The following ZNF503 variants were observed in gnomAD, a reference collection of about 807,000 sequenced individuals.
ZNF503 encodes the protein zinc finger protein 503, also known as NocA-like zinc finger 2.
A neutral mutation model predicts 34.4 loss-of-function variants in ZNF503; 15 were observed. The ratio of observed to expected loss-of-function variants is 0.44; its 90% CI spans 0.29 to 0.67. The LOEUF (loss-of-function observed/expected upper bound fraction) is 0.67, where lower values mean the gene tolerates loss of function less well. Among genes scored for constraint, ZNF503 ranks in the 30% least tolerant of loss-of-function variants. The probability of loss-of-function intolerance (pLI) is 0.13; values close to 1 mark genes in which losing one functional copy is unlikely to be tolerated. For synonymous variants in ZNF503, 580 were observed against 456.8 expected (o/e 1.27, Z -3.44); for missense variants, 1,007 against 926.8 (o/e 1.09, Z -1.12).
At chr10:75,324,048 A>C in the ZNF503 span, among the ~76,000 whole-genome samples, 1 of 99,646 alleles carries the variant, frequency 1.0e-5, no homozygotes, top group African/African-American at 4.5e-5. Flanking sequence ...AATTTTGAGC[A>C]TTTTTTATAC....
At chr10:75,390,190 T>G in the ZNF503 span, among the ~76,000 whole-genome samples, 1 of 152,180 alleles carries the variant, frequency 6.6e-6, no homozygotes, top group Non-Finnish European at 1.5e-5. Context: ...ATTTCTTTTT[T>G]TTTTTAATCA....
At chr10:75,306,156 A>G in the ZNF503 span, among the ~76,000 whole-genome samples, 2 of 152,292 alleles carry the variant, frequency 1.3e-5, no homozygotes, top group East Asian at 3.9e-4. Context: ...TTTCACCAAC[A>G]GTGCACAAGG....
the ZNF503 span, among the ~76,000 whole-genome samples, chr10:75,368,026 A>G: frequency 3.3e-5 from 5 of 152,200 alleles, no homozygotes; most frequent in African/African-American, 1.2e-4. Context: ...GAGTTAGGGC[A>G]TTGAACCTCG....
chr10:75,399,006 C>T lies in ZNF503; in HGVS notation c.1684G>A (p.Ala562Thr), dbSNP rs775837722. 2 of 1,608,462 alleles carry T rather than the reference C, an allele frequency of 1.2e-6. No homozygotes were observed. The highest frequency in any genetic ancestry group is 1.7e-5 in the Admixed American group (1 of 59,950). Residue 562 changes from alanine to threonine, a missense_variant, in exon 2 of 2, where the codon GCC becomes ACC. Physicochemically the swap from Ala to Thr is moderately conservative, Grantham distance 58. Coordinates refer to ENST00000372524, the MANE Select transcript of ZNF503 (RefSeq NM_032772.6). ...LSGYPSSSSLASAAAAAMACH... is the reference protein window; with the variant it reads ...LSGYPSSSSLTSAAAAAMACH... ...GCCATGGCGGCCGCGGCAGCGCTGG[C>T]CAGAGACGACGAGCTGGGGTAGCCC... is the stretch of plus-strand genomic sequence containing the variant.
rs1348548514 is a variant in ZNF503, at chr10:75,398,160, TAACA to T, written c.*585_*588del. 5 of 152,206 alleles carry T rather than the reference TAACA, an allele frequency of 3.3e-5. No individual in the cohort carries two copies. The highest frequency in any genetic ancestry group is 1.2e-4 in the African/African-American group (5 of 41,076). The allele number at this position is 152,206 out of a possible 1,614,324, so 9.4% of individuals were successfully genotyped here. A position where few individuals can be genotyped will look rare whatever the true frequency, so the allele number is the denominator to read the frequency against. Reference sequence around the variant, plus strand: ...GTGACTTTTTTTTTCATTTTTTTTGTAACAAACATGCATGTAAATTTGTGTTTCA... The same window carrying T: ...GTGACTTTTTTTTTCATTTTTTTTGTAACATGCATGTAAATTTGTGTTTCA... On this transcript the variant is annotated 3_prime_UTR_variant, in exon 2 of 2. Transcript: ENST00000372524.
At chr10:75,300,393 G>T in the ZNF503 span, among the ~76,000 whole-genome samples, 1 of 152,052 alleles carries the variant, frequency 6.6e-6, no homozygotes, top group East Asian at 1.9e-4. Flanking sequence ...ATCATCACAG[G>T]GTCCTGAGGC....
chr10:75,293,719 C>T, the ZNF503 span, among the ~76,000 whole-genome samples: 1 of 151,320 alleles, frequency 6.6e-6, no homozygotes, highest in East Asian at 1.9e-4. Flanking sequence ...TTTGGAAAGT[C>T]AAGGAGTTTC....
chr10:75,289,771 G>T, the ZNF503 span, among the ~76,000 whole-genome samples: 1 of 152,052 alleles, frequency 6.6e-6, no homozygotes, highest in Non-Finnish European at 1.5e-5. Context: ...TCACCATGTT[G>T]ACTGGGCTAT....
At chr10:75,340,761 G>C in the ZNF503 span, among the ~76,000 whole-genome samples, 2 of 152,048 alleles carry the variant, frequency 1.3e-5, no homozygotes, top group Admixed American at 6.5e-5. Flanking sequence ...ACCACGCTGG[G>C]CTAATTTGTT....
the ZNF503 span, among the ~76,000 whole-genome samples, chr10:75,289,826 G>A: frequency 2.0e-5 from 3 of 151,990 alleles, no homozygotes; most frequent in African/African-American, 4.8e-5. Context: ...TTGGCCTCCC[G>A]AAGTGCTGGG....
chr10:75,335,370 C>G, the ZNF503 span, among the ~76,000 whole-genome samples: 2 of 152,254 alleles, frequency 1.3e-5, no homozygotes, highest in Non-Finnish European at 2.9e-5. Context: ...CCACTGGCTA[C>G]TGGATAAAGT....
chr10:75,355,661 C>T, the ZNF503 span, among the ~76,000 whole-genome samples: 3 of 152,196 alleles, frequency 2.0e-5, no homozygotes, highest in East Asian at 5.8e-4. Context: ...CAGCTGTCCC[C>T]AGAACTGAAC....
the ZNF503 span, among the ~76,000 whole-genome samples, chr10:75,307,849 C>T: frequency 2.6e-3 from 400 of 152,160 alleles, 1 homozygote; most frequent in African/African-American, 7.0e-3. Flanking sequence ...GAGGCCGAGG[C>T]GGGAGGATCA....
the ZNF503 span, among the ~76,000 whole-genome samples, chr10:75,338,030 G>A: frequency 4.6e-5 from 7 of 152,290 alleles, no homozygotes; most frequent in South Asian, 2.1e-4. Context: ...TAAGAAAATA[G>A]CTACTTAATC....
the ZNF503 span, among the ~76,000 whole-genome samples, chr10:75,282,296 T>C: frequency 6.6e-6 from 1 of 152,274 alleles, no homozygotes; most frequent in Admixed American, 6.5e-5. Context: ...TCTTCCCAAA[T>C]AAAAAGACAA....
At chr10:75,400,876 G>T in intron 1 of ZNF503, 2 of 664,840 alleles carry the variant, frequency 3.0e-6, no homozygotes. Context: ...CTTTCATATC[G>T]AAAGGAGAAA....
chr10:75,373,785 C>T, the ZNF503 span, among the ~76,000 whole-genome samples: 1 of 152,198 alleles, frequency 6.6e-6, no homozygotes, highest in Admixed American at 6.5e-5. Flanking sequence ...ATGGGCTTTG[C>T]ACAGTGCGGG....
In ZNF503 at chr10:75,400,124, C is replaced by T; in HGVS notation, c.566G>A (p.Gly189Glu). The stretch of plus-strand genomic sequence containing the variant: ...ACCGCCACCGCCTCCACCGCCGCCT[C>T]CCGGCTCCTTCTTATCCGAGCCGGG... ...SKPGSDKKEP[G>E]GGGGGGGGGG... is the part of the protein sequence containing the mutation. Residue 189 changes from glycine to glutamate, a missense_variant, in exon 2 of 2, where the codon GGA becomes GAA. Coordinates refer to ENST00000372524, the MANE Select transcript of ZNF503 (RefSeq NM_032772.6). The T allele has an allele frequency of 2.6e-6, 4 of 1,549,532 alleles. No homozygotes were observed. The highest frequency in any genetic ancestry group is 1.7e-6 in the Non-Finnish European group (2 of 1,146,940).
At chr10:75,293,144 G>A in the ZNF503 span, among the ~76,000 whole-genome samples, 1 of 152,188 alleles carries the variant, frequency 6.6e-6, no homozygotes, top group Non-Finnish European at 1.5e-5. Context: ...GGGGCAGTTC[G>A]TTGGAGAAGG....
Sources: gnomAD v4.1 joint callset for allele counts (sites outside exome capture counted in the v4.1 genomes callset) on GRCh38, gnomAD v4.1.1 for gene constraint, MANE v1.5 for transcripts, NCBI Gene and HGNC (gene_info 2026-07-23, HGNC 2026-07-21) for gene names.